PCDHA2: variants seen among roughly 807,000 people sequenced by gnomAD.
PCDHA2 encodes protocadherin alpha-2.
PCDHA2 carries 58 observed loss-of-function variants against 66.0 expected under a neutral mutation model. The observed-to-expected ratio is 0.88, with a 90% confidence interval of 0.71 to 1.09. PCDHA2 has a LOEUF of 1.09. Among genes scored for constraint, PCDHA2 ranks in the 50% least tolerant of loss-of-function variants. PCDHA2 has a pLI of 0.00. For synonymous variants in PCDHA2, 634 were observed against 554.0 expected (o/e 1.14, Z -2.03); for missense variants, 1,267 against 1,242.3 (o/e 1.02, Z -0.30).
intron 1 of PCDHA2, chr5:140,830,432 A>G (rs1771060362): frequency 7.4e-6 from 12 of 1,613,462 alleles, no homozygotes; most frequent in South Asian, 2.2e-5. Context: ...ACCTTGTCCT[A>G]TTATGATGGG....
intron 1 of PCDHA2, chr5:140,823,929 C>T (rs2150130451): frequency 1.5e-5 from 24 of 1,613,840 alleles, no homozygotes; most frequent in Non-Finnish European, 1.9e-5. Context: ...TGCTGTACAC[C>T]GCGCTGCGGT....
At chr5:140,897,307 A>G (rs2065987327) in intron 1 of PCDHA2, among the ~76,000 whole-genome samples, 2 of 148,058 alleles carry the variant, frequency 1.4e-5, no homozygotes, top group African/African-American at 2.5e-5. Context: ...AGCATTAGGT[A>G]TATCTCCTAA....
At chr5:140,840,473 G>T (rs1487904967) in intron 1 of PCDHA2, among the ~76,000 whole-genome samples, 1 of 151,942 alleles carries the variant, frequency 6.6e-6, no homozygotes, top group African/African-American at 2.4e-5. Flanking sequence ...GGGGAAAAAA[G>T]TTTAAAGGCA....
At chr5:140,929,484 T>G (rs1445028927) in intron 1 of PCDHA2, 9 of 1,156,262 alleles carry the variant, frequency 7.8e-6, no homozygotes, top group Non-Finnish European at 1.0e-5. Flanking sequence ...AGTATAGAAG[T>G]ATTAGAAGAT....
At chr5:140,940,809 C>G (rs1308338406) in intron 1 of PCDHA2, among the ~76,000 whole-genome samples, 1 of 152,118 alleles carries the variant, frequency 6.6e-6, no homozygotes, top group Admixed American at 6.5e-5. Flanking sequence ...GCCAGGATAT[C>G]CTGAGATCTT....
At chr5:140,926,375 C>G (rs1265113344) in intron 1 of PCDHA2, 1 of 152,328 alleles carries the variant, frequency 6.6e-6, no homozygotes, top group African/African-American at 2.4e-5. Flanking sequence ...CAGGAAGAGC[C>G]CAGCTGGGCT....
intron 1 of PCDHA2, chr5:140,834,303 G>T (rs2150215099): frequency 7.6e-7 from 1 of 1,308,316 alleles, no homozygotes; most frequent in Admixed American, 2.2e-5. Context: ...CACACATCGA[G>T]ATTGAAATGA....
chr5:140,806,983 G>T, intron 1 of PCDHA2: 2 of 643,876 alleles, frequency 3.1e-6, no homozygotes, highest in South Asian at 2.0e-5. Flanking sequence ...ACGGTTTGGA[G>T]CCACATGATG....
chr5:140,797,433 T>C (rs1210918310), intron 1 of PCDHA2, 81 bp downstream of exon 1: 4 of 1,380,976 alleles, frequency 2.9e-6, no homozygotes, highest in Middle Eastern at 4.0e-4. Flanking sequence ...GTTATTTAGA[T>C]TCATAGTTCT....
intron 1 of PCDHA2, chr5:140,814,179 A>G (rs1765453149): frequency 6.6e-6 from 1 of 152,078 alleles, no homozygotes; most frequent in South Asian, 2.0e-4. Context: ...AGTTTTTTTG[A>G]CTTTTAATTT....
At chr5:140,876,168 C>A in intron 1 of PCDHA2, 5 of 1,613,918 alleles carry the variant, frequency 3.1e-6, no homozygotes, top group Non-Finnish European at 4.2e-6. Context: ...AAATAACCGT[C>A]CTGGATGTGA....
chr5:140,801,311 G>A (rs1175646225), intron 1 of PCDHA2: 3 of 1,613,344 alleles, frequency 1.9e-6, no homozygotes, highest in Non-Finnish European at 1.7e-6. Context: ...TCTCTGAGGA[G>A]GCCAAGCATG....
chr5:140,897,424 T>G (rs2066099863), intron 1 of PCDHA2, among the ~76,000 whole-genome samples: 1 of 148,866 alleles, frequency 6.7e-6, no homozygotes, highest in Non-Finnish European at 1.5e-5. Flanking sequence ...CATCTATGAG[T>G]GAGAACATGC....
At chr5:140,981,019 T>A (rs1396794400) in intron 2 of PCDHA2, among the ~76,000 whole-genome samples, 1 of 152,242 alleles carries the variant, frequency 6.6e-6, no homozygotes, top group East Asian at 1.9e-4. Context: ...ACTTGAAGGC[T>A]GTTAATATTT....
intron 3 of PCDHA2, among the ~76,000 whole-genome samples, chr5:140,992,876 A>G (rs1370116402): frequency 6.6e-6 from 1 of 152,178 alleles, no homozygotes; most frequent in Admixed American, 6.5e-5. Flanking sequence ...CCTCCTTGAT[A>G]TTCTAAACAA....
intron 1 of PCDHA2, among the ~76,000 whole-genome samples, chr5:140,885,133 T>G (rs2060482847): frequency 6.6e-6 from 1 of 152,216 alleles, no homozygotes; most frequent in Admixed American, 6.5e-5. Context: ...CTTTCTTTCT[T>G]TTTTTAAACT....
chr5:140,848,352 TC>T, intron 1 of PCDHA2: 1 of 1,003,034 alleles, frequency 1.0e-6, no homozygotes, highest in Non-Finnish European at 1.5e-6. Context: ...ACAGCCCTTT[TC>T]CCATGGGAAA....
intron 1 of PCDHA2, among the ~76,000 whole-genome samples, chr5:140,905,903 G>A (rs2072195312): frequency 6.6e-6 from 1 of 152,184 alleles, no homozygotes; most frequent in African/African-American, 2.4e-5. Flanking sequence ...AAGCTGAGGA[G>A]CAAGGAATCC....
intron 1 of PCDHA2, chr5:140,864,855 T>G (rs1173322611): frequency 1.3e-5 from 2 of 152,178 alleles, no homozygotes; most frequent in African/African-American, 4.8e-5. Flanking sequence ...CCATACATGA[T>G]GAAGGGTGAT....
Sources: gnomAD v4.1 joint callset for allele counts (sites outside exome capture counted in the v4.1 genomes callset) on GRCh38, gnomAD v4.1.1 for gene constraint, MANE v1.5 for transcripts, NCBI Gene and HGNC (gene_info 2026-07-23, HGNC 2026-07-21) for gene names.